The following CCDC192 variants were observed in gnomAD, a reference collection of about 807,000 sequenced individuals.
The protein encoded by CCDC192 is coiled-coil domain containing 192.
intron 6 of CCDC192, among the ~76,000 whole-genome samples, chr5:127,886,315 A>G (rs1481993809): frequency 6.6e-6 from 1 of 152,202 alleles, no homozygotes; most frequent in Admixed American, 6.5e-5. Context: ...CCTATTCTAG[A>G]GAACTTTGAA....
At chr5:127,880,205 AT>A (rs1464455427) in intron 6 of CCDC192, among the ~76,000 whole-genome samples, 4 of 151,610 alleles carry the variant, frequency 2.6e-5, no homozygotes, top group African/African-American at 9.7e-5. Flanking sequence ...ACCAACCCAA[AT>A]GTTCAACAAT....
At chr5:127,910,398 C>T (rs999869680) in intron 6 of CCDC192, among the ~76,000 whole-genome samples, 1 of 152,164 alleles carries the variant, frequency 6.6e-6, no homozygotes, top group African/African-American at 2.4e-5. Context: ...AATTCAGATC[C>T]AGATAAAACC....
intron 5 of CCDC192, among the ~76,000 whole-genome samples, chr5:127,851,742 C>A (rs1750806752): frequency 6.6e-6 from 1 of 152,202 alleles, no homozygotes; most frequent in South Asian, 2.1e-4. Flanking sequence ...AGGCGTGAAC[C>A]ACTGTGCCTG....
chr5:127,826,634 G>A (rs115886676), intron 5 of CCDC192, among the ~76,000 whole-genome samples: 1,774 of 145,982 alleles, frequency 0.012, 41 homozygotes, highest in African/African-American at 0.043. Context: ...TGAAGTGGAG[G>A]CTACTAGATG....
chr5:127,871,464 T>C (rs976239986), intron 5 of CCDC192, among the ~76,000 whole-genome samples: 5 of 152,164 alleles, frequency 3.3e-5, no homozygotes, highest in East Asian at 1.9e-4. Context: ...TAGTGAAGAG[T>C]TGAAAATTTC....
intron 2 of CCDC192, among the ~76,000 whole-genome samples, chr5:127,734,791 A>G (rs1042085989): frequency 7.3e-5 from 11 of 150,836 alleles, no homozygotes; most frequent in Non-Finnish European, 1.3e-4. Flanking sequence ...TTTTTCTTGT[A>G]AATTTGTTTG....
chr5:127,840,032 C>T (rs1013463764), intron 5 of CCDC192, among the ~76,000 whole-genome samples: 1 of 152,060 alleles, frequency 6.6e-6, no homozygotes, highest in African/African-American at 2.4e-5. Flanking sequence ...CAAATGTGAG[C>T]CATTATTGCA....
chr5:127,771,584 AG>A (rs1755554892), intron 3 of CCDC192, among the ~76,000 whole-genome samples: 1 of 152,160 alleles, frequency 6.6e-6, no homozygotes, highest in Non-Finnish European at 1.5e-5. Context: ...ATTGGGGGGT[AG>A]GGTACAGAAA....
chr5:127,719,833 G>GT (rs113046669), intron 2 of CCDC192, among the ~76,000 whole-genome samples: 1,416 of 130,210 alleles, frequency 0.011, 41 homozygotes, highest in African/African-American at 0.043. Flanking sequence ...AGAGGAAGGG[G>GT]CGGGGGAGGT....
chr5:127,923,441 C>G (rs1042678532), intron 6 of CCDC192, among the ~76,000 whole-genome samples: 2 of 151,102 alleles, frequency 1.3e-5, no homozygotes, highest in Non-Finnish European at 2.9e-5. Flanking sequence ...GCAGTGGTGC[C>G]ATCTTGGCTC....
At chr5:127,866,521 T>A (rs1309734111) in intron 5 of CCDC192, among the ~76,000 whole-genome samples, 4 of 149,990 alleles carry the variant, frequency 2.7e-5, no homozygotes, top group African/African-American at 9.9e-5. Context: ...CTCATTTAAT[T>A]GCAGCTATAT....
At chr5:127,885,440 A>T (rs1425998001) in intron 6 of CCDC192, among the ~76,000 whole-genome samples, 1 of 152,208 alleles carries the variant, frequency 6.6e-6, no homozygotes, top group African/African-American at 2.4e-5. Flanking sequence ...GGTTGCAAAC[A>T]ATTGGCAGCC....
At chr5:127,731,926 C>T (rs1384042165) in intron 2 of CCDC192, among the ~76,000 whole-genome samples, 1 of 152,028 alleles carries the variant, frequency 6.6e-6, no homozygotes, top group East Asian at 1.9e-4. Context: ...CTAGGCAATA[C>T]CATTCAGGAC....
intron 2 of CCDC192, among the ~76,000 whole-genome samples, chr5:127,740,915 A>G (rs1181270041): frequency 6.6e-6 from 1 of 152,240 alleles, no homozygotes; most frequent in Non-Finnish European, 1.5e-5. Context: ...ATCTAAACTC[A>G]TGCATGATGA....
intron 5 of CCDC192, among the ~76,000 whole-genome samples, chr5:127,842,618 C>T (rs990451741): frequency 4.6e-5 from 7 of 152,348 alleles, no homozygotes; most frequent in African/African-American, 1.7e-4. Context: ...AGCAGTTATA[C>T]ATGTGTAATT....
At chr5:127,792,454 CAT>C (rs1464666625) in intron 3 of CCDC192, among the ~76,000 whole-genome samples, 2 of 151,546 alleles carry the variant, frequency 1.3e-5, no homozygotes, top group East Asian at 1.9e-4. Flanking sequence ...CCTCCAATGA[CAT>C]GTGGATTATA....
rs994344181 is a variant in CCDC192 at position 127,895,918 on chromosome 5, G to A, written c.535+20257G>A. Among the ~76,000 whole-genome samples, 18 of 151,906 alleles carry A rather than the reference G, an allele frequency of 1.2e-4. 1 individual carries two copies. In the South Asian group the frequency reaches 3.3e-3, roughly 28 times the overall value. ...GCTGCTTAGCTTGTTCTTAGAAGGA[G>A]GACTAATTATTAACAGGCAATTGGT... On this transcript the variant is annotated intron_variant, in intron 6 of 6. Coordinates refer to ENST00000514853, the MANE Select transcript of CCDC192 (RefSeq NM_001317938.2).
chr5:127,776,454 A>G (rs917006581), intron 3 of CCDC192, among the ~76,000 whole-genome samples: 1 of 152,326 alleles, frequency 6.6e-6, no homozygotes, highest in East Asian at 1.9e-4. Context: ...TTATAAGGAA[A>G]GCAGAGCATA....
chr5:127,929,788 A>G (rs1336896860), intron 6 of CCDC192, among the ~76,000 whole-genome samples: 1 of 152,230 alleles, frequency 6.6e-6, no homozygotes, highest in East Asian at 1.9e-4. Flanking sequence ...TAAGGCAAAC[A>G]AATTATCTAA....
Sources: allele counts gnomAD v4.1 joint callset (sites outside exome capture counted in the v4.1 genomes callset), GRCh38; gene constraint gnomAD v4.1.1; transcripts MANE v1.5; gene names NCBI Gene and HGNC (gene_info 2026-07-23, HGNC 2026-07-21).